The following ABCA12 variants were observed in gnomAD, a reference collection of about 807,000 sequenced individuals.
ABCA12 encodes ATP binding cassette subfamily A member 12.
Under a neutral mutation model 293.5 loss-of-function variants are expected in ABCA12, and 156 were observed. The ratio of observed to expected loss-of-function variants is 0.53; its 90% CI spans 0.47 to 0.61. ABCA12 has a LOEUF of 0.61. Among genes scored for constraint, ABCA12 ranks in the 20% least tolerant of loss-of-function variants. The pLI is 0.00. For missense variants in ABCA12, 2,797 were observed against 3,090.2 expected (o/e 0.91, Z 2.25); for synonymous variants, 1,063 against 1,108.0 (o/e 0.96, Z 0.81).
chr2:214,994,034 A>T (rs1481050279), intron 23 of ABCA12, among the ~76,000 whole-genome samples: 3 of 152,078 alleles, frequency 2.0e-5, no homozygotes, highest in Non-Finnish European at 4.4e-5. Context: ...AGCATTCACT[A>T]TTTAACATTC....
chr2:215,008,030 C>A (rs538119568), intron 18 of ABCA12, among the ~76,000 whole-genome samples, 184 bp from the exon 19 acceptor site: 1 of 152,160 alleles, frequency 6.6e-6, no homozygotes, highest in Non-Finnish European at 1.5e-5. Context: ...TTCATAGGGT[C>A]AAGTTCATTT....
intron 52 of ABCA12, 93 bp downstream of exon 52, chr2:214,933,985 A>G (rs1032833844): frequency 5.1e-6 from 7 of 1,360,142 alleles, no homozygotes; most frequent in Non-Finnish European, 7.2e-6. Context: ...ATTCAATTAA[A>G]AACAAATTGA....
intron 7 of ABCA12, among the ~76,000 whole-genome samples, chr2:215,044,808 A>G (rs554498394): frequency 6.6e-6 from 1 of 152,338 alleles, no homozygotes; most frequent in Admixed American, 6.5e-5. Context: ...TTTTATCAAT[A>G]CAAGGGCTTA....
intron 1 of ABCA12, among the ~76,000 whole-genome samples, chr2:215,114,659 GTTATTA>G (rs967209439): frequency 6.6e-6 from 1 of 152,138 alleles, no homozygotes; most frequent in African/African-American, 2.4e-5. Context: ...TGTAAGACGT[GTTATTA>G]TTCTAGCCTC....
chr2:214,990,246 A>C (rs1203633364), intron 24 of ABCA12, among the ~76,000 whole-genome samples: 1 of 152,186 alleles, frequency 6.6e-6, no homozygotes, highest in African/African-American at 2.4e-5. Flanking sequence ...GTGCTTCTGA[A>C]TTGACAAGGC....
chr2:215,024,892 T>C (rs1259009711), intron 11 of ABCA12, among the ~76,000 whole-genome samples: 2 of 152,158 alleles, frequency 1.3e-5, no homozygotes, highest in Non-Finnish European at 2.9e-5. Flanking sequence ...TAAAGAATAA[T>C]AGACAAATAA....
At position 215,064,100 on chromosome 2, in the gene ABCA12, T is replaced by G; in HGVS notation, c.283A>C (p.Arg95=). The G allele has an allele frequency of 6.2e-7, 1 of 1,612,942 alleles. No individual in the cohort carries two copies. Among genetic ancestry groups the G allele is most frequent in the Non-Finnish European group, 8.5e-7 (1 of 1,179,196 alleles). Residue 95 remains arginine, a synonymous_variant, in exon 3 of 53, where the codon AGG becomes CGG. Coordinates refer to ENST00000272895, the MANE Select transcript of ABCA12 (RefSeq NM_173076.3). ...AATAGTGCATCATCAATTCCTTTCC[T>G]ACGAAGCAGATCTTGTGGGCCATAG... ...TPYGPQDLLR[R]KGIDDALFKD... is the part of the protein sequence containing the mutation.
chr2:214,997,703 G>A lies in ABCA12; in HGVS notation c.3286C>T (p.Leu1096Phe), dbSNP rs1040039032. Residue 1096 changes from leucine to phenylalanine, a missense_variant, in exon 23 of 53, where the codon CTT becomes TTT. Physicochemically the swap from Leu to Phe is conservative, Grantham distance 22. This residue lies in a region of ABCA12 where 2,130 missense variants were observed against 2,427.0 expected (regional missense o/e 0.88). Coordinates refer to ENST00000272895, the MANE Select transcript of ABCA12 (RefSeq NM_173076.3). Reference protein sequence around the residue: ...KKLVYEKDLRLHEYMKMMGVN... With the variant: ...KKLVYEKDLRFHEYMKMMGVN... ...AGTGATTTTCAACATACCTCATGAA[G>A]CCGGAGGTCTTTCTCATAGACAAGC... is the stretch of plus-strand genomic sequence containing the variant. 10 of 1,603,676 alleles carry A rather than the reference G, an allele frequency of 6.2e-6. No homozygotes were observed. Among genetic ancestry groups the A allele is most frequent in the Non-Finnish European group, 8.5e-6 (10 of 1,170,888 alleles).
At chr2:214,987,238 G>C (rs958295560) in intron 27 of ABCA12, among the ~76,000 whole-genome samples, 1 of 152,152 alleles carries the variant, frequency 6.6e-6, no homozygotes, top group African/African-American at 2.4e-5. Context: ...CCTAGTATCA[G>C]GAAGACACAA....
chr2:215,079,870 G>T (rs1701903792), intron 2 of ABCA12, among the ~76,000 whole-genome samples: 1 of 152,174 alleles, frequency 6.6e-6, no homozygotes, highest in South Asian at 2.1e-4. Flanking sequence ...ATAAAAAGCT[G>T]AAAAGAAATT....
At chr2:215,122,626 T>A (rs191954188) in intron 1 of ABCA12, among the ~76,000 whole-genome samples, 2 of 152,180 alleles carry the variant, frequency 1.3e-5, no homozygotes, top group South Asian at 4.1e-4. Flanking sequence ...GAAAAGCTAG[T>A]TCTATCATCA....
chr2:214,944,976 G>T lies in ABCA12; in HGVS notation c.7343+25C>A, dbSNP rs115727011. The T allele has an allele frequency of 5.8e-4, 915 of 1,589,948 alleles. 9 individuals carry two copies. In the African/African-American group the frequency reaches 0.011, roughly 19 times the overall value. On this transcript the variant is annotated intron_variant, in intron 49 of 52. Transcript: ENST00000272895. ...TGTCATCCTAAGACTGTGTGGATTCGCTTTAAAGATTCCACTCAGTTTACC... is the reference window on the plus strand; with the variant it reads ...TGTCATCCTAAGACTGTGTGGATTCTCTTTAAAGATTCCACTCAGTTTACC...
intron 2 of ABCA12, among the ~76,000 whole-genome samples, chr2:215,085,173 C>T (rs186000705): frequency 1.3e-5 from 2 of 151,834 alleles, no homozygotes; most frequent in South Asian, 2.1e-4. Context: ...TACAGTTCTT[C>T]GTGCCTGTGT....
intron 44 of ABCA12, among the ~76,000 whole-genome samples, chr2:214,952,289 C>T (rs568148755): frequency 1.3e-4 from 20 of 150,704 alleles, no homozygotes; most frequent in Admixed American, 6.0e-4. Flanking sequence ...GGCGCCATCT[C>T]GGCTCACTGC....
rs1699353679 is a variant in ABCA12 at position 214,970,125 on chromosome 2, A to G, written c.5690+148T>C. Reference sequence around the variant, plus strand: ...ATCTTAATTTAGAGTCATTATTTACATTTCAATATATAAGGCTGTTTAAAT... The same window carrying G: ...ATCTTAATTTAGAGTCATTATTTACGTTTCAATATATAAGGCTGTTTAAAT... On this transcript the variant is annotated intron_variant, in intron 37 of 52. Transcript: ENST00000272895. 1.2e-5 allele frequency: 9 copies of G among 756,736 alleles called. No individual in the cohort carries two copies. In the South Asian group the frequency reaches 2.4e-4, roughly 20 times the overall value. The allele number at this position is 756,736 out of a possible 1,614,324, so 46.9% of individuals were successfully genotyped here. A position where few individuals can be genotyped will look rare whatever the true frequency, so the allele number is the denominator to read the frequency against.
chr2:215,134,814 AT>A (rs1384932270), intron 1 of ABCA12, among the ~76,000 whole-genome samples: 1 of 150,792 alleles, frequency 6.6e-6, no homozygotes, highest in African/African-American at 2.4e-5. Flanking sequence ...TGCCCAGCTA[AT>A]TTTTGTATTT....
chr2:214,955,400 G>T (rs567815824), intron 42 of ABCA12, 39 bp from the exon 43 acceptor site: 13 of 1,604,996 alleles, frequency 8.1e-6, no homozygotes, highest in Middle Eastern at 3.3e-4. Context: ...ATTACGCCTC[G>T]GCCAGGCATG....
intron 2 of ABCA12, among the ~76,000 whole-genome samples, chr2:215,101,891 C>T (rs1575044991): frequency 6.6e-6 from 1 of 152,078 alleles, no homozygotes; most frequent in East Asian, 1.9e-4. Context: ...AAAAGAAGAC[C>T]GAAGTGGAAG....
intron 2 of ABCA12, among the ~76,000 whole-genome samples, chr2:215,096,689 T>G (rs894773607): frequency 6.6e-6 from 1 of 152,196 alleles, no homozygotes; most frequent in Non-Finnish European, 1.5e-5. Context: ...ACTTTTTATA[T>G]TATAATTTCA....
Sources: allele counts gnomAD v4.1 joint callset (sites outside exome capture counted in the v4.1 genomes callset), GRCh38; gene constraint gnomAD v4.1.1; regional missense constraint gnomAD v4.1.1; transcripts MANE v1.5; gene names NCBI Gene and HGNC (gene_info 2026-07-23, HGNC 2026-07-21).